Variants in ZNF248 observed in about 807,000 individuals in gnomAD.
ZNF248 encodes the protein KRAB protein domain.
Under a neutral mutation model 44.3 loss-of-function variants are expected in ZNF248, and 20 were observed. The ratio of observed to expected loss-of-function variants is 0.45; its 90% CI spans 0.32 to 0.66. The LOEUF is 0.66. ZNF248 is among the 30% of genes least tolerant of loss of function. The pLI is 0.04. For missense variants in ZNF248, 654 were observed against 677.0 expected, an observed-to-expected ratio of 0.97 and a Z score of 0.38; for synonymous variants, 224 against 229.0, an observed-to-expected ratio of 0.98 and a Z score of 0.20.
intron 6 of ZNF248, among the ~76,000 whole-genome samples, chr10:37,811,393 G>A (rs1220553740): frequency 2.0e-5 from 3 of 151,808 alleles, no homozygotes; most frequent in East Asian, 1.9e-4. Context: ...AATGCAATCT[G>A]AGAAATAGTG....
intron 6 of ZNF248, among the ~76,000 whole-genome samples, chr10:37,779,465 C>T (rs909143606): frequency 2.0e-5 from 3 of 152,150 alleles, no homozygotes; most frequent in East Asian, 3.9e-4. Context: ...AATTCAACAA[C>T]CCTTCATGCT....
rs869199263 is a variant in ZNF248 at position 37,791,042 on chromosome 10, C to CTTT, written c.331-14470_331-14468dup. On this transcript the variant is annotated intron_variant, in intron 6 of 6. Transcript: ENST00000615949. ...TTGTTTCTCTTATACTTTGTTATTTCTTTTTTTTTTTTTTTTTTTTTTTTT... is the reference window on the plus strand; with the variant it reads ...TTGTTTCTCTTATACTTTGTTATTTCTTTTTTTTTTTTTTTTTTTTTTTTTTTT... Among the ~76,000 whole-genome samples, 83 of 50,940 alleles carry CTTT rather than the reference C, an allele frequency of 1.6e-3. 22 individuals are homozygous for CTTT. The East Asian group carries it at 0.02, about 12-fold the overall frequency. The allele number at this position is 50,940 out of a possible 152,430, so 33.4% of individuals were successfully genotyped here. A position where few individuals can be genotyped will look rare whatever the true frequency, so the allele number is the denominator to read the frequency against.
chr10:37,840,699 C>T lies in ZNF248; in HGVS notation c.16-2588G>A, dbSNP rs75760673. 7.8e-3 allele frequency among the ~76,000 whole-genome samples: 1,181 copies of T among 152,108 alleles called. 18 individuals carry two copies. Among genetic ancestry groups the T allele is most frequent in the African/African-American group, 0.027 (1,138 of 41,508 alleles). On this transcript the variant is annotated intron_variant, in intron 3 of 5. Coordinates refer to ENST00000395867, the MANE Select transcript of ZNF248 (RefSeq NM_021045.3). ...TCGGGAGGCTGAGGAAGGAGAATCA[C>T]CCAAACCGGAAGGCAGAGGTTGCAG... is the stretch of plus-strand genomic sequence containing the variant.
downstream of ZNF248, among the ~76,000 whole-genome samples, chr10:37,772,992 GA>G (rs953246148): frequency 7.3e-5 from 11 of 150,592 alleles, no homozygotes; most frequent in South Asian, 2.1e-4. Context: ...ACTATCAAAG[GA>G]AAAAAAAATG....
chr10:37,834,178 T>C lies in ZNF248; in HGVS notation c.239-1062A>G, dbSNP rs934422796. ...AATAGTAATAATAATAAAATAATGA[T>C]AGCAAAAATCTCTATAACATCTCTA... On this transcript the variant is annotated intron_variant, in intron 5 of 5. Coordinates refer to ENST00000395867, the MANE Select transcript of ZNF248 (RefSeq NM_021045.3). 5.3e-5 allele frequency among the ~76,000 whole-genome samples: 8 copies of C among 152,232 alleles called. No homozygotes were observed. The South Asian group carries it at 6.2e-4, about 12-fold the overall frequency.
At chr10:37,769,401 G>A in the ZNF248 span, among the ~76,000 whole-genome samples, 3 of 152,114 alleles carry the variant, frequency 2.0e-5, no homozygotes, top group South Asian at 2.1e-4. Flanking sequence ...GAATCCAGCA[G>A]CACATCAAAA....
At chr10:37,780,735 C>T (rs990459868) in intron 6 of ZNF248, among the ~76,000 whole-genome samples, 32 of 152,106 alleles carry the variant, frequency 2.1e-4, no homozygotes, top group East Asian at 5.8e-4. Context: ...TTGCGATCCC[C>T]GGCCACCCTC....
intron 3 of ZNF248, among the ~76,000 whole-genome samples, chr10:37,845,653 C>T (rs1034775222): frequency 3.3e-5 from 5 of 151,746 alleles, no homozygotes; most frequent in African/African-American, 9.7e-5. Flanking sequence ...TTATAAGAAA[C>T]ATCAAAGGGA....
At chr10:37,823,333 C>CAAAA (rs60957023) in intron 6 of ZNF248, among the ~76,000 whole-genome samples, 4 of 17,536 alleles carry the variant, frequency 2.3e-4, no homozygotes, top group Admixed American at 1.0e-3. Context: ...ACTCCGTCTC[C>CAAAA]AAAAAAAAAA....
chr10:37,766,832 C>A, the ZNF248 span, among the ~76,000 whole-genome samples: 10 of 152,108 alleles, frequency 6.6e-5, no homozygotes, highest in East Asian at 1.7e-3. Context: ...CTCCGAGCTA[C>A]AGGAGGAAAT....
chr10:37,787,405 T>C (rs1196483345), intron 6 of ZNF248, among the ~76,000 whole-genome samples: 1 of 152,174 alleles, frequency 6.6e-6, no homozygotes, highest in Non-Finnish European at 1.5e-5. Flanking sequence ...TGGAAATTAA[T>C]TGAGTCCAGG....
At chr10:37,769,390 C>T in the ZNF248 span, among the ~76,000 whole-genome samples, 13 of 152,146 alleles carry the variant, frequency 8.5e-5, no homozygotes, top group East Asian at 1.5e-3. Context: ...ACTGGCAAAC[C>T]GAATCCAGCA....
At chr10:37,816,739 T>C (rs754696923) in intron 6 of ZNF248, among the ~76,000 whole-genome samples, 25 of 152,286 alleles carry the variant, frequency 1.6e-4, no homozygotes, top group Non-Finnish European at 3.1e-4. Flanking sequence ...TTTTGACCTC[T>C]TGATTTTATG....
chr10:37,844,977 T>TC (rs373426013), intron 3 of ZNF248, among the ~76,000 whole-genome samples: 2 of 126,526 alleles, frequency 1.6e-5, no homozygotes, highest in African/African-American at 2.9e-5. Flanking sequence ...CCTTCCCCTT[T>TC]CCTTTCCCCT....
downstream of ZNF248, among the ~76,000 whole-genome samples, chr10:37,827,004 G>A (rs200912): frequency 2.6e-5 from 4 of 152,182 alleles, no homozygotes; most frequent in Non-Finnish European, 5.9e-5. Context: ...GTGGGTTGAA[G>A]AGAACTCATC....
intron 6 of ZNF248, among the ~76,000 whole-genome samples, chr10:37,823,443 C>T (rs967788303): frequency 6.7e-5 from 10 of 149,422 alleles, no homozygotes; most frequent in Admixed American, 6.0e-4. Context: ...AAATTCTCAA[C>T]GTTCTATATT....
chr10:37,811,698 T>C (rs1177204743), intron 6 of ZNF248, among the ~76,000 whole-genome samples: 1 of 149,322 alleles, frequency 6.7e-6, no homozygotes, highest in Non-Finnish European at 1.5e-5. Context: ...ATATATATAT[T>C]AGTCAGGTGT....
At chr10:37,758,737 T>C in the ZNF248 span, among the ~76,000 whole-genome samples, 15 of 152,346 alleles carry the variant, frequency 9.8e-5, no homozygotes, top group African/African-American at 3.6e-4. Context: ...AGTACAAATA[T>C]ATAATCATAT....
chr10:37,767,822 C>T, the ZNF248 span, among the ~76,000 whole-genome samples: 2 of 152,286 alleles, frequency 1.3e-5, no homozygotes, highest in Admixed American at 6.5e-5. Flanking sequence ...TTAAAAGACA[C>T]AGACTGGCAA....
Sources: gnomAD v4.1 joint callset for allele counts (sites outside exome capture counted in the v4.1 genomes callset) on GRCh38, gnomAD v4.1.1 for gene constraint, MANE v1.5 for transcripts, NCBI Gene and HGNC (gene_info 2026-07-23, HGNC 2026-07-21) for gene names.